NAT10: variants seen among roughly 807,000 people sequenced by gnomAD.
NAT10 encodes RNA cytidine acetyltransferase.
A neutral mutation model predicts 132.2 loss-of-function variants in NAT10; 109 were observed. The ratio of observed to expected loss-of-function variants is 0.82; its 90% CI spans 0.71 to 0.97. NAT10 has a LOEUF of 0.97. Ranked by LOEUF, NAT10 falls within the 50% of genes least tolerant of loss-of-function variation. The pLI is 0.00. For missense variants in NAT10, 1,184 were observed against 1,263.4 expected (o/e 0.94, Z 0.95); for synonymous variants, 479 against 478.0 (o/e 1.00, Z -0.03).
chr11:34,129,599 C>CTTTTTT lies in NAT10; in HGVS notation c.1245-1193_1245-1188dup, dbSNP rs71037399. Among the ~76,000 whole-genome samples the CTTTTTT allele has an allele frequency of 1.1e-3, 61 of 56,730 alleles. 1 individual carries two copies. Among genetic ancestry groups the CTTTTTT allele is most frequent in the East Asian group, 2.9e-3 (5 of 1,714 alleles). The allele number at this position is 56,730 out of a possible 152,430, so 37.2% of individuals were successfully genotyped here. A position where few individuals can be genotyped will look rare whatever the true frequency, so the allele number is the denominator to read the frequency against. On this transcript the variant is annotated intron_variant, in intron 12 of 28. Transcript: ENST00000257829. ...GTTTTTTCACTTTCTTCTTCTTCTT[C>CTTTTTT]TTTTTTTTTTTTTTTTTTTTTTTTT... is the stretch of plus-strand genomic sequence containing the variant.
At position 34,123,796 on chromosome 11, in the gene NAT10, G is replaced by A; in HGVS notation, c.949G>A (p.Asp317Asn). The A allele has an allele frequency of 1.2e-6, 2 of 1,611,266 alleles. No individual in the cohort carries two copies. Among genetic ancestry groups the A allele is most frequent in the Non-Finnish European group, 1.7e-6 (2 of 1,177,420 alleles). ...TATCTTTGTTACCTCCCCAAGCCCT[G>A]ATAACCTCCATACTCTGTTTGAATT... ...SNIFVTSPSPDNLHTLFEFVF... is the reference protein window; with the variant it reads ...SNIFVTSPSPNNLHTLFEFVF... The change falls in exon 10 of 29, where the codon GAT becomes AAT. Residue 317 changes from aspartate to asparagine, a missense_variant. Physicochemically the swap from Asp to Asn is conservative, Grantham distance 23. Coordinates refer to ENST00000257829, the MANE Select transcript of NAT10 (RefSeq NM_024662.3).
chr11:34,111,469 A>G (rs1337030168), intron 3 of NAT10, among the ~76,000 whole-genome samples: 1 of 152,240 alleles, frequency 6.6e-6, no homozygotes, highest in Non-Finnish European at 1.5e-5. Context: ...TAGCAACTGG[A>G]TATGCAGGGT....
chr11:34,142,835 A>G (rs563641616), intron 27 of NAT10, among the ~76,000 whole-genome samples: 3 of 152,290 alleles, frequency 2.0e-5, no homozygotes, highest in African/African-American at 7.2e-5. Context: ...GATGTGAATA[A>G]TAACTCCAGA....
rs1157121178 is a variant in NAT10 at position 34,143,514 on chromosome 11, C to T, written c.2955C>T (p.Ile985=). Residue 985 remains isoleucine, a synonymous_variant, in exon 28 of 29, where the codon ATC becomes ATT. Coordinates refer to ENST00000257829, the MANE Select transcript of NAT10 (RefSeq NM_024662.3). The stretch of plus-strand genomic sequence containing the variant: ...ACAAAGCTGGGCCGAACGCCTCGAT[C>T]ATCAGCCTGAAAAGGTGAGGGCCCA... ...VLNKAGPNAS[I]ISLKSDKKRK... 3 of 1,613,902 alleles carry T rather than the reference C, an allele frequency of 1.9e-6. No individual in the cohort carries two copies. The highest frequency in any genetic ancestry group is 1.1e-5 in the South Asian group (1 of 91,028).
chr11:34,136,495 C>G (rs949796151), intron 19 of NAT10, 147 bp from the exon 20 acceptor site: 3 of 848,628 alleles, frequency 3.5e-6, no homozygotes, highest in Non-Finnish European at 3.7e-6. Flanking sequence ...CTCCGGTGTT[C>G]TCATAGTTTG....
chr11:34,134,185 G>T (rs1002849601), intron 16 of NAT10, 134 bp from the exon 17 acceptor site: 1 of 717,496 alleles, frequency 1.4e-6, no homozygotes, highest in African/African-American at 1.7e-5. Context: ...GGGAATGGAT[G>T]TGTCAGTGTC....
intron 14 of NAT10, among the ~76,000 whole-genome samples, chr11:34,131,791 T>G (rs1329594505): frequency 6.6e-6 from 1 of 151,666 alleles, no homozygotes; most frequent in Admixed American, 6.6e-5. Flanking sequence ...GTTCAAGTGA[T>G]TCTCCTGCCT....
Position 34,133,101 on chromosome 11 carries a change from C to T in NAT10, c.1693C>T (p.Pro565Ser), listed in dbSNP as rs1852134788. Residue 565 changes from proline to serine, a missense_variant, in exon 16 of 29, where the codon CCC becomes TCC. Pro to Ser is a moderately conservative substitution (Grantham distance 74). Transcript: ENST00000257829. The stretch of plus-strand genomic sequence containing the variant: ...CTTCTGCCTTCTGCCTCCCGTGCCC[C>T]CCACCCAGAATGCCCTTCCAGAAGT... Reference protein sequence around the residue: ...HLFCLLPPVPPTQNALPEVLA... With the variant: ...HLFCLLPPVPSTQNALPEVLA... The T allele has an allele frequency of 1.9e-6, 3 of 1,614,158 alleles. No individual in the cohort carries two copies. The highest frequency in any genetic ancestry group is 1.1e-5 in the South Asian group (1 of 91,078).
At chr11:34,136,069 G>T (rs955339750) in intron 19 of NAT10, among the ~76,000 whole-genome samples, 3 of 151,374 alleles carry the variant, frequency 2.0e-5, no homozygotes, top group African/African-American at 4.9e-5. Flanking sequence ...CTGTCCCTTT[G>T]TAAATCTGTT....
At chr11:34,123,258 GGCTTGA>G (rs1439256446) in intron 9 of NAT10, among the ~76,000 whole-genome samples, 2 of 152,218 alleles carry the variant, frequency 1.3e-5, no homozygotes, top group African/African-American at 2.4e-5. Context: ...ATAGAGCTGG[GGCTTGA>G]GCTTAGCTCC....
chr11:34,131,775 T>C (rs1852110625), intron 14 of NAT10, among the ~76,000 whole-genome samples: 1 of 148,424 alleles, frequency 6.7e-6, no homozygotes, highest in South Asian at 2.2e-4. Flanking sequence ...AACCTCTGCC[T>C]CCCGGGTTCA....
At chr11:34,130,979 G>A in intron 13 of NAT10, 42 bp downstream of exon 13, 1 of 1,609,278 alleles carries the variant, frequency 6.2e-7, no homozygotes, top group Non-Finnish European at 8.5e-7. Context: ...TCACAGCAAG[G>A]CCCTTCAGTC....
chr11:34,126,873 T>C (rs550698076), intron 11 of NAT10, among the ~76,000 whole-genome samples: 1 of 152,318 alleles, frequency 6.6e-6, no homozygotes, highest in African/African-American at 2.4e-5. Flanking sequence ...TGTTTATGTA[T>C]TAAGAAAATA....
At chr11:34,127,684 G>A in intron 12 of NAT10, 85 bp downstream of exon 12, 1 of 1,483,632 alleles carries the variant, frequency 6.7e-7, no homozygotes, top group Non-Finnish European at 9.1e-7. Flanking sequence ...CCTGGGCCTG[G>A]ACAGCCAAGT....
intron 21 of NAT10, among the ~76,000 whole-genome samples, chr11:34,137,379 A>C (rs1286266899): frequency 6.6e-6 from 1 of 152,132 alleles, no homozygotes; most frequent in African/African-American, 2.4e-5. Context: ...GCTGTCGGAG[A>C]TGGGACTCAC....
chr11:34,123,726 A>C (rs757806391), intron 9 of NAT10, 36 bp from the exon 10 acceptor site: 1 of 1,448,338 alleles, frequency 6.9e-7, no homozygotes, highest in East Asian at 2.3e-5. Context: ...GATGTTCCTA[A>C]TTTCTTAAAA....
At chr11:34,123,287 C>T (rs1265358202) in intron 9 of NAT10, among the ~76,000 whole-genome samples, 1 of 152,228 alleles carries the variant, frequency 6.6e-6, no homozygotes, top group East Asian at 1.9e-4. Context: ...ACTCCTTGTC[C>T]TTCGTTCTTC....
At chr11:34,119,564 A>G (rs1421253711) in intron 8 of NAT10, among the ~76,000 whole-genome samples, 1 of 152,270 alleles carries the variant, frequency 6.6e-6, no homozygotes, top group Non-Finnish European at 1.5e-5. Context: ...GTAGTGTTAT[A>G]AGAAAACAAA....
intron 10 of NAT10, among the ~76,000 whole-genome samples, 170 bp downstream of exon 10, chr11:34,124,025 C>T (rs1276821584): frequency 5.9e-5 from 9 of 152,220 alleles, no homozygotes; most frequent in South Asian, 2.1e-4. Context: ...CAAAATTAGC[C>T]GGGTGTGGTG....
Sources: gnomAD v4.1 joint callset for allele counts (sites outside exome capture counted in the v4.1 genomes callset) on GRCh38, gnomAD v4.1.1 for gene constraint, MANE v1.5 for transcripts, NCBI Gene and HGNC (gene_info 2026-07-23, HGNC 2026-07-21) for gene names.